Variants in PDE4D observed in about 807,000 individuals in gnomAD.
PDE4D encodes 3',5'-cyclic-AMP phosphodiesterase 4D.
Under a neutral mutation model 87.4 loss-of-function variants are expected in PDE4D, and 24 were observed. That is an observed-to-expected ratio of 0.27 (90% CI 0.20 to 0.39). The LOEUF (loss-of-function observed/expected upper bound fraction) is 0.39. Ranked by LOEUF, PDE4D falls within the 10% of genes least tolerant of loss-of-function variation. The pLI is 1.00. For synonymous variants in PDE4D, 384 were observed against 383.2 expected, an observed-to-expected ratio of 1.00 and a Z score of -0.02; for missense variants, 714 against 1,041.0, an observed-to-expected ratio of 0.69 and a Z score of 4.32.
At chr5:59,929,938 A>G (rs767885790) in intron 3 of PDE4D, among the ~76,000 whole-genome samples, 4 of 152,150 alleles carry the variant, frequency 2.6e-5, no homozygotes, top group Non-Finnish European at 5.9e-5. Flanking sequence ...TGTTAGCTTC[A>G]TGCAAATATA....
At chr5:60,365,228 T>C (rs1406192794) in intron 1 of PDE4D, among the ~76,000 whole-genome samples, 2 of 152,238 alleles carry the variant, frequency 1.3e-5, no homozygotes, top group African/African-American at 4.8e-5. Flanking sequence ...CATCTTGGCA[T>C]GCAACAACAT....
intron 1 of PDE4D, among the ~76,000 whole-genome samples, chr5:59,755,150 T>G (rs1444826113): frequency 1.3e-5 from 2 of 152,168 alleles, no homozygotes; most frequent in Non-Finnish European, 2.9e-5. Flanking sequence ...CTTTCAGTAA[T>G]TCTTATTACC....
At chr5:59,836,667 A>ATATAT in intron 1 of PDE4D, among the ~76,000 whole-genome samples, 1 of 149,440 alleles carries the variant, frequency 6.7e-6, no homozygotes, top group African/African-American at 2.5e-5. Flanking sequence ...TCATCTATCT[A>ATATAT]CCTATCTATC....
At chr5:59,197,348 T>C (rs1177004620) in intron 2 of PDE4D, among the ~76,000 whole-genome samples, 2 of 152,206 alleles carry the variant, frequency 1.3e-5, no homozygotes, top group Non-Finnish European at 2.9e-5. Context: ...AGGAAATATA[T>C]TACTTTTTAA....
At chr5:59,687,468 A>T (rs1253783006) in intron 1 of PDE4D, among the ~76,000 whole-genome samples, 2 of 152,190 alleles carry the variant, frequency 1.3e-5, no homozygotes, top group Non-Finnish European at 2.9e-5. Flanking sequence ...ATATCCAGCC[A>T]AACTAAGTTT....
In PDE4D at chr5:60,229,570, T is replaced by A. The variant is rs962436070; in HGVS notation, c.-89-43883A>T. 1.3e-5 allele frequency among the ~76,000 whole-genome samples: 2 copies of A among 152,144 alleles called. 1 individual carries two copies. The highest frequency in any genetic ancestry group is 1.3e-4 in the Admixed American group (2 of 15,256). On this transcript the variant is annotated intron_variant, in intron 1 of 16. Transcript: ENST00000502484. The stretch of plus-strand genomic sequence containing the variant: ...TATAAGTATCATCATCCTTAATTTG[T>A]AAATGGTCTCCTGAGTTCTGAAGGA...
chr5:60,409,531 TATCATC>T (rs745735926), intron 1 of PDE4D, among the ~76,000 whole-genome samples: 1 of 152,038 alleles, frequency 6.6e-6, no homozygotes, highest in Non-Finnish European at 1.5e-5. Context: ...ATGGTTACTT[TATCATC>T]ATCATCATCA....
At chr5:59,977,060 C>T (rs114065315) in intron 3 of PDE4D, among the ~76,000 whole-genome samples, 1,787 of 152,232 alleles carry the variant, frequency 0.012, 24 homozygotes, top group Middle Eastern at 0.044. Context: ...AATTAATAAC[C>T]TTACAATGGC....
intron 5 of PDE4D, among the ~76,000 whole-genome samples, chr5:59,046,754 T>A (rs1430851142): frequency 6.6e-6 from 1 of 152,168 alleles, no homozygotes; most frequent in Non-Finnish European, 1.5e-5. Flanking sequence ...TGAGCTGACA[T>A]AAGAGAAGAG....
chr5:60,449,231 G>A (rs1745898157), intron 1 of PDE4D, among the ~76,000 whole-genome samples: 1 of 151,876 alleles, frequency 6.6e-6, no homozygotes, highest in Non-Finnish European at 1.5e-5. Flanking sequence ...TCAGAAACCA[G>A]AGATTCAAGT....
chr5:59,899,994 A>T (rs1752063816), intron 3 of PDE4D, among the ~76,000 whole-genome samples: 1 of 152,288 alleles, frequency 6.6e-6, no homozygotes, highest in Non-Finnish European at 1.5e-5. Context: ...TAATCCCAGC[A>T]CTTTGTAGGC....
intron 3 of PDE4D, among the ~76,000 whole-genome samples, chr5:59,909,787 C>G (rs1025949799): frequency 6.6e-6 from 1 of 152,072 alleles, no homozygotes; most frequent in African/African-American, 2.4e-5. Context: ...GTTAGTCATT[C>G]CAACATGCTA....
chr5:59,617,328 A>G (rs1036296634), intron 1 of PDE4D, among the ~76,000 whole-genome samples: 2 of 152,114 alleles, frequency 1.3e-5, no homozygotes, highest in African/African-American at 2.4e-5. Flanking sequence ...TTATGCTACA[A>G]TGTGGACTCT....
chr5:59,578,789 C>T (rs1209614499), intron 1 of PDE4D, among the ~76,000 whole-genome samples: 1 of 152,046 alleles, frequency 6.6e-6, no homozygotes. Context: ...TCTGCATTCT[C>T]CCTCCTTTTC....
intron 1 of PDE4D, among the ~76,000 whole-genome samples, chr5:60,483,214 A>G (rs1052343796): frequency 6.6e-6 from 1 of 152,178 alleles, no homozygotes; most frequent in African/African-American, 2.4e-5. Flanking sequence ...CCAGGCTGGA[A>G]TGCAGTGATA....
intron 2 of PDE4D, among the ~76,000 whole-genome samples, chr5:60,075,247 C>A (rs1458236117): frequency 2.0e-5 from 3 of 152,182 alleles, no homozygotes; most frequent in African/African-American, 7.2e-5. Context: ...TGAAAAGGAT[C>A]TTATTTCTTC....
chr5:59,868,622 C>G (rs970857579), intron 1 of PDE4D, among the ~76,000 whole-genome samples: 7 of 152,152 alleles, frequency 4.6e-5, no homozygotes, highest in Non-Finnish European at 8.8e-5. Context: ...AGTTCACTTT[C>G]TAGTATTCTC....
intron 5 of PDE4D, among the ~76,000 whole-genome samples, chr5:59,180,022 C>A (rs752372952): frequency 3.3e-5 from 5 of 152,050 alleles, no homozygotes; most frequent in Non-Finnish European, 7.4e-5. Context: ...TCCTATTTTT[C>A]TTTCCCAAAC....
intron 1 of PDE4D, among the ~76,000 whole-genome samples, chr5:59,740,671 A>T (rs750427241): frequency 2.0e-5 from 3 of 152,192 alleles, no homozygotes; most frequent in Non-Finnish European, 1.5e-5. Flanking sequence ...GAACAAGGAG[A>T]TAATGATGCT....
Sources: gnomAD v4.1 joint callset for allele counts (sites outside exome capture counted in the v4.1 genomes callset) on GRCh38, gnomAD v4.1.1 for gene constraint, MANE v1.5 for transcripts, NCBI Gene and HGNC (gene_info 2026-07-23, HGNC 2026-07-21) for gene names.